Variants in GTPBP10 observed in about 807,000 individuals in gnomAD.
GTPBP10 encodes GTP-binding protein 10.
In GTPBP10, 38 loss-of-function variants were observed where a neutral mutation model predicts 44.8. The observed-to-expected ratio is 0.85, with a 90% CI of 0.65 to 1.11. The LOEUF is 1.11. Among genes scored for constraint, GTPBP10 ranks in the 50% most tolerant of loss-of-function variants. GTPBP10 has a pLI of 0.00. For missense variants in GTPBP10, 462 were observed against 453.7 expected (o/e 1.02, Z -0.17); for synonymous variants, 152 against 150.6 (o/e 1.01, Z -0.07).
chr7:90,352,317 T>C lies in GTPBP10; in HGVS notation c.34-499T>C, dbSNP rs112506034. On this transcript the variant is annotated intron_variant, in intron 1 of 9. Transcript: ENST00000222511. Reference sequence around the variant, plus strand: ...CCTGGGGAAGAGTTTGGTTTTGTTATGTTAACATTTATTTTTGAGGTGGCT... The same window carrying C: ...CCTGGGGAAGAGTTTGGTTTTGTTACGTTAACATTTATTTTTGAGGTGGCT... 4.1e-4 allele frequency among the ~76,000 whole-genome samples: 62 copies of C among 152,376 alleles called. 1 individual carries two copies. Among genetic ancestry groups the C allele is most frequent in the African/African-American group, 1.4e-3 (60 of 41,598 alleles).
chr7:90,368,687 T>G lies in GTPBP10; in HGVS notation c.465-3468T>G, dbSNP rs527565843. On this transcript the variant is annotated intron_variant, in intron 4 of 9. Transcript: ENST00000222511. ...CTACACTGTTTATTCTAATTAGCCA[T>G]TCGTCTAACCTTTTTTGAAGGTTTT... 3.3e-5 allele frequency among the ~76,000 whole-genome samples: 5 copies of G among 152,210 alleles called. No homozygotes were observed. The East Asian group carries it at 5.8e-4, about 18-fold the overall frequency.
Position 90,387,269 on chromosome 7 carries a change from G to A in GTPBP10, c.*2115G>A, listed in dbSNP as rs573166870. 4 of 152,330 alleles carry A rather than the reference G, an allele frequency of 2.6e-5. No individual in the cohort carries two copies. The highest frequency in any genetic ancestry group is 1.3e-4 in the Admixed American group (2 of 15,286). The allele number at this position is 152,330 out of a possible 1,614,324, so 9.4% of individuals were successfully genotyped here. A position where few individuals can be genotyped will look rare whatever the true frequency, so the allele number is the denominator to read the frequency against. ...GAGAATCGCTTGAACCCGGGAGGCG[G>A]AGGTTGCAGTGAGCTGAGATTGCGC... On this transcript the variant is annotated 3_prime_UTR_variant, in exon 10 of 10. Coordinates refer to ENST00000222511, the MANE Select transcript of GTPBP10 (RefSeq NM_033107.4).
At chr7:90,374,217 GT>G in intron 5 of GTPBP10, 84 bp from the exon 6 acceptor site, 1 of 873,368 alleles carries the variant, frequency 1.1e-6, no homozygotes. Context: ...TTGAAATATT[GT>G]TTATGCATAA....
At chr7:90,355,686 A>G (rs1001711465) in intron 4 of GTPBP10, among the ~76,000 whole-genome samples, 2 of 147,450 alleles carry the variant, frequency 1.4e-5, no homozygotes, top group African/African-American at 5.1e-5. Flanking sequence ...CAGTACAGAC[A>G]ATCTCAATCC....
intron 9 of GTPBP10, among the ~76,000 whole-genome samples, chr7:90,384,320 A>G (rs1796485445): frequency 6.6e-6 from 1 of 152,166 alleles, no homozygotes; most frequent in Non-Finnish European, 1.5e-5. Context: ...TCAGTATGCC[A>G]TGGTGACAGG....
chr7:90,348,481 TAAGA>T lies in GTPBP10; in HGVS notation c.33+1711_33+1714del, dbSNP rs1343242172. 2.0e-5 allele frequency among the ~76,000 whole-genome samples: 3 copies of T among 152,296 alleles called. No individual in the cohort carries two copies. In the East Asian group the frequency reaches 5.8e-4, roughly 29 times the overall value. ...TAAGCTAGAGAAAAGAAACAGTTAC[TAAGA>T]AAGTCAGAAAGAAGGGAAAATATAT... On this transcript the variant is annotated intron_variant, in intron 1 of 9. Transcript: ENST00000222511.
chr7:90,383,132 G>A lies in GTPBP10; in HGVS notation c.901+53G>A, dbSNP rs1003774889. Reference sequence around the variant, plus strand: ...ATTTAAAGAATAATTACAATGTACAGAGAATGCTGTTATAATCAGTGGAAA... The same window carrying A: ...ATTTAAAGAATAATTACAATGTACAAAGAATGCTGTTATAATCAGTGGAAA... On this transcript the variant is annotated intron_variant, in intron 9 of 9. Coordinates refer to ENST00000222511, the MANE Select transcript of GTPBP10 (RefSeq NM_033107.4). The A allele has an allele frequency of 3.7e-6, 5 of 1,344,586 alleles. No individual in the cohort carries two copies. The African/African-American group carries it at 7.3e-5, about 20-fold the overall frequency. The allele number at this position is 1,344,586 out of a possible 1,614,324, so 83.3% of individuals were successfully genotyped here.
Position 90,388,071 on chromosome 7 carries a change from T to C in GTPBP10, c.*2917T>C, listed in dbSNP as rs1416355236. On this transcript the variant is annotated 3_prime_UTR_variant, in exon 10 of 10. Coordinates refer to ENST00000222511, the MANE Select transcript of GTPBP10 (RefSeq NM_033107.4). ...TGCCACTCCATGACTAACCGAAACA[T>C]TTTATTATGTGACTCACTAAGATGT... The C allele has an allele frequency of 6.6e-6, 1 of 152,202 alleles. No individual in the cohort carries two copies. Among genetic ancestry groups the C allele is most frequent in the Admixed American group, 6.5e-5 (1 of 15,276 alleles). 9.4% of individuals were successfully genotyped at this position (152,202 alleles called of 1,614,324 possible).
intron 8 of GTPBP10, among the ~76,000 whole-genome samples, chr7:90,382,303 A>T (rs1175358311): frequency 6.6e-6 from 1 of 152,126 alleles, no homozygotes; most frequent in Non-Finnish European, 1.5e-5. Flanking sequence ...TTTTGTATAG[A>T]GATGGGGTCT....
rs1795873214 is a variant in GTPBP10 at position 90,355,223 on chromosome 7, C to T, written c.457C>T (p.Leu153=). ...TCTAAAACTTATAGCTGATGTAGGC[C>T]TAGTAGGGTAAGTATCGTTCATATT... is the stretch of plus-strand genomic sequence containing the variant. The part of the protein sequence containing the change: ...LDLKLIADVG[L]VGFPNAGKSS... The change falls in exon 4 of 10, where the codon CTA becomes TTA. Residue 153 remains leucine, a synonymous_variant. Transcript: ENST00000222511. 3 of 1,577,776 alleles carry T rather than the reference C, an allele frequency of 1.9e-6. No homozygotes were observed. The highest frequency in any genetic ancestry group is 2.6e-6 in the Non-Finnish European group (3 of 1,160,144).
At chr7:90,378,280 A>G in intron 8 of GTPBP10, 69 bp downstream of exon 8, 2 of 1,504,436 alleles carry the variant, frequency 1.3e-6, no homozygotes, top group East Asian at 4.6e-5. Context: ...ATATGAAATA[A>G]CATAATTACA....
At chr7:90,356,903 TTGTC>T (rs938306874) in intron 4 of GTPBP10, among the ~76,000 whole-genome samples, 3 of 152,210 alleles carry the variant, frequency 2.0e-5, no homozygotes, top group Non-Finnish European at 2.9e-5. Context: ...GGTTTGAAAT[TTGTC>T]TGTAATTAAA....
At chr7:90,362,636 A>T (rs532087184) in intron 4 of GTPBP10, among the ~76,000 whole-genome samples, 1 of 152,284 alleles carries the variant, frequency 6.6e-6, no homozygotes, top group African/African-American at 2.4e-5. Context: ...AGTTCTGTAG[A>T]TGTCTATTAG....
At chr7:90,370,714 A>G (rs921588619) in intron 4 of GTPBP10, among the ~76,000 whole-genome samples, 1 of 152,168 alleles carries the variant, frequency 6.6e-6, no homozygotes, top group Admixed American at 6.5e-5. Context: ...TAAAAACATT[A>G]AAAGAAATAG....
intron 1 of GTPBP10, among the ~76,000 whole-genome samples, chr7:90,348,741 CAA>C (rs988404728): frequency 2.8e-5 from 4 of 144,544 alleles, no homozygotes; most frequent in Non-Finnish European, 6.0e-5. Context: ...CTCTTTCCCC[CAA>C]AAAAATGTTT....
chr7:90,361,493 A>C (rs1055858143), intron 4 of GTPBP10, among the ~76,000 whole-genome samples: 1 of 152,198 alleles, frequency 6.6e-6, no homozygotes, highest in African/African-American at 2.4e-5. Context: ...CCACTTGATC[A>C]TGGTGGATAA....
At chr7:90,379,317 A>G (rs538478453) in intron 8 of GTPBP10, among the ~76,000 whole-genome samples, 2 of 152,158 alleles carry the variant, frequency 1.3e-5, no homozygotes, top group East Asian at 3.9e-4. Context: ...GCTTCTCTCC[A>G]GTCCATTTTT....
rs1457242765 is a variant in GTPBP10, at chr7:90,386,574, CAT to C, written c.*1422_*1423del. ...GCCAGGCATGGTGGTGCAGGCCAGA[CAT>C]AGCGGTACATGCCTGTAATCCTAGC... is the stretch of plus-strand genomic sequence containing the variant. On this transcript the variant is annotated 3_prime_UTR_variant, in exon 10 of 10. Transcript: ENST00000222511. 1.3e-5 allele frequency: 2 copies of C among 151,966 alleles called. No individual in the cohort carries two copies. The highest frequency in any genetic ancestry group is 2.9e-5 in the Non-Finnish European group (2 of 67,964). The allele number at this position is 151,966 out of a possible 1,614,324, so 9.4% of individuals were successfully genotyped here.
At chr7:90,350,401 C>T (rs1795767065) in intron 1 of GTPBP10, among the ~76,000 whole-genome samples, 1 of 152,110 alleles carries the variant, frequency 6.6e-6, no homozygotes. Context: ...GATTTTTAAT[C>T]CTTTGGGTAT....
Sources: allele counts gnomAD v4.1 joint callset (sites outside exome capture counted in the v4.1 genomes callset), GRCh38; gene constraint gnomAD v4.1.1; transcripts MANE v1.5; gene names NCBI Gene and HGNC (gene_info 2026-07-23, HGNC 2026-07-21).